The following PACRG variants were observed in gnomAD, a reference collection of about 807,000 sequenced individuals.
PACRG encodes the protein parkin coregulated gene protein.
Under a neutral mutation model 29.7 loss-of-function variants are expected in PACRG, and 29 were observed. That is an observed-to-expected ratio of 0.98 (90% CI 0.73 to 1.33). The LOEUF (loss-of-function observed/expected upper bound fraction) is 1.33, where lower values mean the gene tolerates loss of function less well. Among genes scored for constraint, PACRG ranks in the 40% most tolerant of loss-of-function variants. The pLI, the probability that PACRG is intolerant of heterozygous loss-of-function variation, is 0.00. For synonymous variants in PACRG, 116 were observed against 118.7 expected (o/e 0.98, Z 0.15); for missense variants, 279 against 316.2 (o/e 0.88, Z 0.89).
chr6:162,969,893 C>T (rs984559830), intron 2 of PACRG, among the ~76,000 whole-genome samples: 1 of 152,140 alleles, frequency 6.6e-6, no homozygotes, highest in African/African-American at 2.4e-5. Context: ...CGCCAATTGC[C>T]ACTGTTTATC....
At chr6:163,017,268 A>G (rs1046035435) in intron 2 of PACRG, among the ~76,000 whole-genome samples, 2 of 152,192 alleles carry the variant, frequency 1.3e-5, no homozygotes, top group Non-Finnish European at 2.9e-5. Flanking sequence ...GGGGAGATAC[A>G]GCTCCAAGGC....
At chr6:163,070,815 C>G (rs1299409355) in intron 3 of PACRG, among the ~76,000 whole-genome samples, 1 of 150,760 alleles carries the variant, frequency 6.6e-6, no homozygotes, top group Non-Finnish European at 1.5e-5. Context: ...AAACACACTT[C>G]ACTTAGGAAG....
chr6:163,095,144 G>C, intron 4 of PACRG, among the ~76,000 whole-genome samples: 1 of 152,192 alleles, frequency 6.6e-6, no homozygotes, highest in South Asian at 2.1e-4. Flanking sequence ...GCCCCCACGC[G>C]TGGTCAGCCC....
chr6:162,797,175 G>A (rs908918573), intron 1 of PACRG, among the ~76,000 whole-genome samples: 5 of 152,148 alleles, frequency 3.3e-5, no homozygotes, highest in Non-Finnish European at 5.9e-5. Flanking sequence ...TGGGGAGGCT[G>A]AGGCAGGAGG....
chr6:163,269,894 C>CAAAGAAAGAAAGAAAG lies in PACRG; in HGVS notation c.614-44913_614-44898dup, dbSNP rs1167434790. 9.6e-4 allele frequency among the ~76,000 whole-genome samples: 18 copies of CAAAGAAAGAAAGAAAG among 18,716 alleles called. 3 individuals carry two copies. The highest frequency in any genetic ancestry group is 1.6e-3 in the East Asian group (1 of 624). 12.3% of individuals were successfully genotyped at this position (18,716 alleles called of 152,430 possible). On this transcript the variant is annotated intron_variant, in intron 4 of 4. Coordinates refer to ENST00000366888, the MANE Select transcript of PACRG (RefSeq NM_001080379.2). ...GAAAGAAAGAAAGAAAGAAAGAAAA[C>CAAAGAAAGAAAGAAAG]AAAGAAAGAAAGAAAGAAAGAAAGA...
At chr6:162,867,053 C>A (rs1792355685) in intron 2 of PACRG, among the ~76,000 whole-genome samples, 1 of 152,148 alleles carries the variant, frequency 6.6e-6, no homozygotes, top group Non-Finnish European at 1.5e-5. Context: ...TAACCAGGGT[C>A]CACAGCGGGA....
intron 2 of PACRG, among the ~76,000 whole-genome samples, chr6:162,903,569 CTCATGAGACTGAT>C (rs1239309555): frequency 6.6e-6 from 1 of 152,088 alleles, no homozygotes; most frequent in Non-Finnish European, 1.5e-5. Context: ...ACCATCAGAT[CTCATGAGACTGAT>C]TCACTACCAC....
intron 4 of PACRG, among the ~76,000 whole-genome samples, chr6:163,116,189 G>A (rs187802760): frequency 6.9e-4 from 105 of 152,326 alleles, no homozygotes; most frequent in African/African-American, 2.5e-3. Context: ...CTGGGCTTCT[G>A]CCTCAGGAAA....
intron 2 of PACRG, among the ~76,000 whole-genome samples, chr6:162,888,234 G>A (rs1794504024): frequency 6.6e-6 from 1 of 152,002 alleles, no homozygotes; most frequent in Non-Finnish European, 1.5e-5. Context: ...TGTCCGTGCT[G>A]GCCATCACCG....
chr6:162,817,638 G>A (rs959732841), intron 2 of PACRG, among the ~76,000 whole-genome samples: 1 of 152,116 alleles, frequency 6.6e-6, no homozygotes, highest in African/African-American at 2.4e-5. Context: ...CGGAGACTGA[G>A]GAACTCAATT....
chr6:163,283,663 C>T (rs967212031), intron 4 of PACRG, among the ~76,000 whole-genome samples: 126 of 151,000 alleles, frequency 8.3e-4, no homozygotes, highest in African/African-American at 3.0e-3. Context: ...TAGCCGGGCG[C>T]GGTGGCGGGC....
At chr6:163,139,628 A>T (rs367844592) in intron 4 of PACRG, among the ~76,000 whole-genome samples, 1 of 152,208 alleles carries the variant, frequency 6.6e-6, no homozygotes, top group Non-Finnish European at 1.5e-5. Context: ...TTTTGTTTCT[A>T]TATACCAAAA....
At chr6:163,179,253 G>C (rs780542667) in intron 4 of PACRG, 2 of 455,880 alleles carry the variant, frequency 4.4e-6, no homozygotes, top group African/African-American at 4.0e-5. Flanking sequence ...CAACAAGCGA[G>C]ACAGAAAGGA....
At chr6:162,775,003 A>T (rs547021015) in intron 1 of PACRG, among the ~76,000 whole-genome samples, 244 of 152,248 alleles carry the variant, frequency 1.6e-3, no homozygotes, top group Non-Finnish European at 2.2e-3. Context: ...TATGTTCCCC[A>T]TCACAATCCT....
At chr6:163,067,144 CA>C (rs1811623984) in intron 3 of PACRG, among the ~76,000 whole-genome samples, 1 of 152,066 alleles carries the variant, frequency 6.6e-6, no homozygotes, top group Non-Finnish European at 1.5e-5. Context: ...CCTGCTGTAG[CA>C]CCGCTTCCCA....
intron 4 of PACRG, among the ~76,000 whole-genome samples, chr6:163,226,490 A>G (rs554189229): frequency 6.6e-6 from 1 of 152,320 alleles, no homozygotes; most frequent in South Asian, 2.1e-4. Flanking sequence ...TTTATTTGTC[A>G]GTTAGGCCTT....
intron 1 of PACRG, among the ~76,000 whole-genome samples, chr6:162,774,568 T>C (rs537867783): frequency 6.6e-6 from 1 of 152,358 alleles, no homozygotes; most frequent in South Asian, 2.1e-4. Context: ...CAGGATATTC[T>C]ATTAACAAGA....
rs78541421 is a variant in PACRG at position 162,849,646 on chromosome 6, C to T, written c.291+35365C>T. 2.2e-4 allele frequency among the ~76,000 whole-genome samples: 34 copies of T among 152,272 alleles called. 1 individual carries two copies. In the East Asian group the frequency reaches 5.8e-3, roughly 26 times the overall value. ...TACTCTTCTTGAATTGCTGTATTTACTTTTTATATCTTTCTAAAAGTACAG... is the reference window on the plus strand; with the variant it reads ...TACTCTTCTTGAATTGCTGTATTTATTTTTTATATCTTTCTAAAAGTACAG... On this transcript the variant is annotated intron_variant, in intron 2 of 4. Coordinates refer to ENST00000366888, the MANE Select transcript of PACRG (RefSeq NM_001080379.2).
intron 2 of PACRG, among the ~76,000 whole-genome samples, chr6:162,995,832 C>T (rs963805052): frequency 1.3e-5 from 2 of 152,178 alleles, no homozygotes; most frequent in Non-Finnish European, 2.9e-5. Flanking sequence ...TTTACCCATC[C>T]ATTTGTTGAA....
Sources: gnomAD v4.1 joint callset for allele counts (sites outside exome capture counted in the v4.1 genomes callset) on GRCh38, gnomAD v4.1.1 for gene constraint, MANE v1.5 for transcripts, NCBI Gene and HGNC (gene_info 2026-07-23, HGNC 2026-07-21) for gene names.